The following LIMCH1 variants were observed in gnomAD, a reference collection of about 807,000 sequenced individuals.
LIMCH1 encodes the protein LIM and calponin homology domains 1.
LIMCH1 carries 113 observed loss-of-function variants against 176.5 expected under a neutral mutation model. That is an observed-to-expected ratio of 0.64 (90% confidence interval 0.55 to 0.75). LIMCH1 has a LOEUF of 0.75. Ranked by LOEUF, LIMCH1 falls within the 30% of genes least tolerant of loss-of-function variation. The probability of loss-of-function intolerance (pLI) is 0.00; values close to 1 mark genes in which losing one functional copy is unlikely to be tolerated. For synonymous variants in LIMCH1, 619 were observed against 645.9 expected, an observed-to-expected ratio of 0.96 and a Z score of 0.63; for missense variants, 1,674 against 1,814.9, an observed-to-expected ratio of 0.92 and a Z score of 1.41.
At chr4:41,584,139 C>G (rs2086027697) in intron 1 of LIMCH1, among the ~76,000 whole-genome samples, 1 of 152,158 alleles carries the variant, frequency 6.6e-6, no homozygotes, top group Non-Finnish European at 1.5e-5. Flanking sequence ...TTCCTGGGGT[C>G]ACCCCTAACT....
intron 2 of LIMCH1, among the ~76,000 whole-genome samples, chr4:41,496,665 A>G (rs752237873): frequency 3.3e-5 from 5 of 152,158 alleles, no homozygotes; most frequent in South Asian, 2.1e-4. Flanking sequence ...AGTTGAGACT[A>G]TTAGGCTGCT....
rs1463776761 is a variant in LIMCH1 at position 41,631,493 on chromosome 4, C to T, written c.1601+16C>T. ...ATGACTGCAGGTATTTTTTGCCATA[C>T]GTGTGCAAGGATATCTGCATGGGAG... On this transcript the variant is annotated intron_variant, in intron 10 of 31. Transcript: ENST00000503057. 30 of 1,490,808 alleles carry T rather than the reference C, an allele frequency of 2.0e-5. 1 individual carries two copies. In the East Asian group the frequency reaches 5.2e-4, roughly 26 times the overall value. 92.3% of individuals were successfully genotyped at this position (1,490,808 alleles called of 1,614,324 possible). A position where few individuals can be genotyped will look rare whatever the true frequency, so the allele number is the denominator to read the frequency against.
chr4:41,502,990 G>GGTCT (rs371698467), intron 2 of LIMCH1, among the ~76,000 whole-genome samples: 17,298 of 113,288 alleles, frequency 0.15, 1,268 homozygotes, highest in African/African-American at 0.17. Flanking sequence ...TTATCTGACT[G>GGTCT]GTCTGTCTGT....
intron 1 of LIMCH1, among the ~76,000 whole-genome samples, chr4:41,482,479 G>A (rs2068815419): frequency 6.6e-6 from 1 of 152,168 alleles, no homozygotes; most frequent in African/African-American, 2.4e-5. Context: ...TCTGCTGGTG[G>A]GGAAGACTGG....
chr4:41,484,185 TG>T (rs1397143510), intron 1 of LIMCH1, among the ~76,000 whole-genome samples: 1 of 152,224 alleles, frequency 6.6e-6, no homozygotes, highest in African/African-American at 2.4e-5. Context: ...TCCATGCTCT[TG>T]TAACTCTCTT....
chr4:41,557,546 C>G (rs1005505076), intron 1 of LIMCH1, among the ~76,000 whole-genome samples: 222 of 147,842 alleles, frequency 1.5e-3, no homozygotes, highest in African/African-American at 5.1e-3. Flanking sequence ...TTTATTGCCT[C>G]TGTGTGTGTG....
chr4:41,555,984 G>T (rs1341641497), intron 1 of LIMCH1, among the ~76,000 whole-genome samples: 8 of 152,054 alleles, frequency 5.3e-5, no homozygotes, highest in African/African-American at 1.7e-4. Context: ...GGCTCAGGGG[G>T]TCTGCCTGCC....
At chr4:41,402,086 A>G (rs568450750) in intron 1 of LIMCH1, among the ~76,000 whole-genome samples, 167 of 152,326 alleles carry the variant, frequency 1.1e-3, no homozygotes, top group African/African-American at 3.8e-3. Flanking sequence ...AGGAGTGGTG[A>G]GAGAGGGCAT....
intron 1 of LIMCH1, among the ~76,000 whole-genome samples, chr4:41,418,997 C>T (rs376273231): frequency 2.1e-4 from 32 of 152,252 alleles, no homozygotes; most frequent in East Asian, 1.9e-3. Flanking sequence ...CCACATTTCA[C>T]AAAGGATTGT....
At chr4:41,621,832 A>G (rs1228313099) in intron 7 of LIMCH1, among the ~76,000 whole-genome samples, 1 of 152,160 alleles carries the variant, frequency 6.6e-6, no homozygotes, top group Non-Finnish European at 1.5e-5. Context: ...TCAGATTCGG[A>G]TGCTCTGACC....
chr4:41,480,826 C>T (rs1024951416), intron 1 of LIMCH1, among the ~76,000 whole-genome samples: 2 of 152,146 alleles, frequency 1.3e-5, no homozygotes, highest in African/African-American at 4.8e-5. Context: ...TGAGTGTTGT[C>T]TGTCTTTCTG....
chr4:41,506,249 A>T (rs2074146229), intron 2 of LIMCH1, among the ~76,000 whole-genome samples: 1 of 152,218 alleles, frequency 6.6e-6, no homozygotes, highest in Non-Finnish European at 1.5e-5. Flanking sequence ...GTTGGCAAAC[A>T]CTTATTCTAT....
At chr4:41,487,971 TAA>T (rs1005983856) in intron 1 of LIMCH1, among the ~76,000 whole-genome samples, 2 of 151,848 alleles carry the variant, frequency 1.3e-5, no homozygotes, top group Non-Finnish European at 2.9e-5. Flanking sequence ...GTATTTATCA[TAA>T]GAGTTTAGAT....
chr4:41,379,167 G>C (rs2055248695), intron 1 of LIMCH1, among the ~76,000 whole-genome samples: 1 of 152,142 alleles, frequency 6.6e-6, no homozygotes, highest in Non-Finnish European at 1.5e-5. Flanking sequence ...GGTTTTTCTT[G>C]AGGTTGCAAA....
chr4:41,456,714 A>T (rs1177904634), intron 1 of LIMCH1, among the ~76,000 whole-genome samples: 1 of 152,234 alleles, frequency 6.6e-6, no homozygotes, highest in East Asian at 1.9e-4. Context: ...TCACTCACAG[A>T]CCAGCAATTT....
chr4:41,449,119 A>G (rs2063577668), intron 1 of LIMCH1, among the ~76,000 whole-genome samples: 1 of 151,608 alleles, frequency 6.6e-6, no homozygotes, highest in Non-Finnish European at 1.5e-5. Context: ...ATACAGGCCC[A>G]GTTTGGTCTG....
chr4:41,416,993 G>A (rs2059996864), intron 1 of LIMCH1, among the ~76,000 whole-genome samples: 1 of 152,184 alleles, frequency 6.6e-6, no homozygotes, highest in Non-Finnish European at 1.5e-5. Flanking sequence ...GCAAAGACAT[G>A]TGCAACTGGT....
At chr4:41,619,088 C>T in intron 5 of LIMCH1, 100 bp from the exon 6 acceptor site, 2 of 1,343,782 alleles carry the variant, frequency 1.5e-6, no homozygotes, top group Non-Finnish European at 2.1e-6. Context: ...AAGGAATCCT[C>T]AGAACCCACA....
intron 15 of LIMCH1, 106 bp from the exon 16 acceptor site, chr4:41,646,017 C>T: frequency 8.7e-7 from 1 of 1,142,918 alleles, no homozygotes; most frequent in African/African-American, 1.5e-5. Context: ...AGTGCCTGGG[C>T]CCATAGTCAG....
Sources: gnomAD v4.1 joint callset for allele counts (sites outside exome capture counted in the v4.1 genomes callset) on GRCh38, gnomAD v4.1.1 for gene constraint, MANE v1.5 for transcripts, NCBI Gene and HGNC (gene_info 2026-07-23, HGNC 2026-07-21) for gene names.